CAPN13: variants seen among roughly 807,000 people sequenced by gnomAD.
The protein encoded by CAPN13 is calpain-13.
CAPN13 carries 90 observed loss-of-function variants against 98.4 expected under a neutral mutation model. That is an observed-to-expected ratio of 0.92 (90% CI 0.77 to 1.09). CAPN13 has a LOEUF of 1.09. CAPN13 is among the 50% of genes least tolerant of loss of function. The probability of loss-of-function intolerance (pLI) is 0.00; values close to 1 mark genes in which losing one functional copy is unlikely to be tolerated. For synonymous variants in CAPN13, 330 were observed against 305.5 expected (o/e 1.08, Z -0.84); for missense variants, 887 against 841.3 (o/e 1.05, Z -0.67).
At chr2:30,787,406 T>A (rs1179842472) in intron 1 of CAPN13, 49 bp from the exon 2 acceptor site, 18 of 1,406,032 alleles carry the variant, frequency 1.3e-5, no homozygotes, top group Non-Finnish European at 1.7e-5. Flanking sequence ...TCAAGTCCTT[T>A]GCATCATCAA....
At chr2:30,732,598 G>A (rs1209443082) in intron 19 of CAPN13, 32 bp from the exon 20 acceptor site, 2 of 1,594,326 alleles carry the variant, frequency 1.3e-6, no homozygotes, top group African/African-American at 1.3e-5. Context: ...TGAGTGAGAG[G>A]AGGCTAGGGC....
chr2:30,758,802 C>CCCTCCCTTCCCTTCCTCCCTTCCTT (rs1558314679), intron 7 of CAPN13, among the ~76,000 whole-genome samples: 1 of 118,348 alleles, frequency 8.4e-6, no homozygotes, highest in African/African-American at 3.2e-5. Flanking sequence ...TTTCCTTCCT[C>CCCTCCCTTCCCTTCCTCCCTTCCTT]CCTCCCTTCC....
intron 2 of CAPN13, among the ~76,000 whole-genome samples, chr2:30,782,293 C>T (rs558117703): frequency 6.6e-6 from 1 of 152,336 alleles, no homozygotes; most frequent in African/African-American, 2.4e-5. Context: ...CTGTGTTTAG[C>T]ATCTTAGTAT....
intron 19 of CAPN13, among the ~76,000 whole-genome samples, 182 bp downstream of exon 19, chr2:30,734,267 G>A (rs1671243925): frequency 6.6e-6 from 1 of 152,214 alleles, no homozygotes; most frequent in Admixed American, 6.5e-5. Context: ...CAGGGCAACT[G>A]TGTTTGAGTC....
intron 22 of CAPN13, 80 bp downstream of exon 22, chr2:30,730,650 G>C: frequency 1.4e-6 from 1 of 738,126 alleles, no homozygotes; most frequent in Non-Finnish European, 2.5e-6. Context: ...CCCAAGGAGA[G>C]AGTCTTATGT....
chr2:30,741,576 G>C (rs932132757), intron 15 of CAPN13: 1 of 1,085,972 alleles, frequency 9.2e-7, no homozygotes, highest in Non-Finnish European at 1.1e-6. Flanking sequence ...AGGTGGCCGA[G>C]TAGGAGAAGG....
intron 13 of CAPN13, among the ~76,000 whole-genome samples, chr2:30,742,585 C>T (rs1246197384): frequency 6.6e-6 from 1 of 152,200 alleles, no homozygotes; most frequent in East Asian, 1.9e-4. Context: ...TGGTTCCTTC[C>T]ACAACCCGAT....
intron 1 of CAPN13, among the ~76,000 whole-genome samples, chr2:30,794,006 G>A (rs1206858813): frequency 6.6e-6 from 1 of 151,360 alleles, no homozygotes; most frequent in Non-Finnish European, 1.5e-5. Context: ...ACTTGGGGTA[G>A]GTAAATGTGT....
chr2:30,741,740 T>C (rs1294681157), intron 15 of CAPN13, 168 bp downstream of exon 15: 8 of 1,467,288 alleles, frequency 5.5e-6, no homozygotes, highest in Non-Finnish European at 7.2e-6. Context: ...TCTACCGAGC[T>C]TGGCAGCCAC....
At chr2:30,731,427 T>A (rs1266737085) in intron 20 of CAPN13, 28 bp from the exon 21 acceptor site, 2 of 1,595,568 alleles carry the variant, frequency 1.3e-6, no homozygotes, top group East Asian at 4.5e-5. Context: ...AGGTTTTGAC[T>A]GACTGAGGAG....
chr2:30,737,973 A>G (rs1671459163), intron 17 of CAPN13: 1 of 195,854 alleles, frequency 5.1e-6, no homozygotes, highest in Admixed American at 7.4e-5. Context: ...AAGGACACAC[A>G]CACACACACA....
chr2:30,747,243 G>A (rs1168001512), intron 11 of CAPN13, among the ~76,000 whole-genome samples: 2 of 152,136 alleles, frequency 1.3e-5, no homozygotes, highest in African/African-American at 2.4e-5. Flanking sequence ...CCTGCAAGCC[G>A]ATGCTGGGCT....
At chr2:30,772,058 G>T (rs1032885310) in intron 4 of CAPN13, among the ~76,000 whole-genome samples, 2 of 152,022 alleles carry the variant, frequency 1.3e-5, no homozygotes, top group Non-Finnish European at 2.9e-5. Context: ...ATAACTCTTC[G>T]CCCTATCTTC....
intron 21 of CAPN13, 118 bp downstream of exon 21, chr2:30,731,226 G>T (rs1558606142): frequency 2.3e-6 from 2 of 856,016 alleles, no homozygotes; most frequent in Non-Finnish European, 3.5e-6. Context: ...TGGGGGGACA[G>T]CTTGGCTGGC....
intron 1 of CAPN13, among the ~76,000 whole-genome samples, chr2:30,796,254 G>A (rs897243107): frequency 1.1e-4 from 15 of 136,024 alleles, no homozygotes; most frequent in African/African-American, 4.7e-4. Context: ...ATATATATAC[G>A]TATATATATA....
intron 4 of CAPN13, among the ~76,000 whole-genome samples, chr2:30,770,920 G>GA (rs1332615640): frequency 6.6e-6 from 1 of 152,172 alleles, no homozygotes; most frequent in Non-Finnish European, 1.5e-5. Flanking sequence ...ACGTGGCAGG[G>GA]AGACAGGGAA....
intron 9 of CAPN13, among the ~76,000 whole-genome samples, chr2:30,753,673 T>A (rs7580779): frequency 0.049 from 7,455 of 152,224 alleles, 583 homozygotes; most frequent in African/African-American, 0.17. Context: ...TCCTTCTAAT[T>A]TATATTTGTC....
intron 15 of CAPN13, chr2:30,741,466 A>C: frequency 9.9e-7 from 1 of 1,007,568 alleles, no homozygotes; most frequent in Admixed American, 5.5e-5. Context: ...TAAGCCATTA[A>C]GGAAATCCTG....
intron 5 of CAPN13, 109 bp downstream of exon 5, chr2:30,770,204 C>T: frequency 6.9e-7 from 1 of 1,445,904 alleles, no homozygotes; most frequent in Non-Finnish European, 9.4e-7. Flanking sequence ...TATGGAGATG[C>T]CCAGCCAGGT....
Sources: allele counts gnomAD v4.1 joint callset (sites outside exome capture counted in the v4.1 genomes callset), GRCh38; gene constraint gnomAD v4.1.1; transcripts MANE v1.5; gene names NCBI Gene and HGNC (gene_info 2026-07-23, HGNC 2026-07-21).